Variants in PFAS observed in about 807,000 individuals in gnomAD.
PFAS encodes phosphoribosylformylglycinamidine synthase.
Under a neutral mutation model 140.6 loss-of-function variants are expected in PFAS, and 97 were observed. That is an observed-to-expected ratio of 0.69 (90% CI 0.59 to 0.82). The LOEUF is 0.82. Ranked by LOEUF, PFAS falls within the 40% of genes least tolerant of loss-of-function variation. The pLI is 0.00. For synonymous variants in PFAS, 679 were observed against 718.8 expected, an observed-to-expected ratio of 0.94 and a Z score of 0.88; for missense variants, 1,656 against 1,780.2, an observed-to-expected ratio of 0.93 and a Z score of 1.26.
At chr17:8,252,918 A>T (rs1367791516) in intron 1 of PFAS, among the ~76,000 whole-genome samples, 1 of 152,180 alleles carries the variant, frequency 6.6e-6, no homozygotes, top group African/African-American at 2.4e-5. Flanking sequence ...TGCCCCGCCC[A>T]ATCTGGCCTC....
At chr17:8,254,942 T>A in intron 3 of PFAS, 85 bp from the exon 4 acceptor site, 1 of 910,284 alleles carries the variant, frequency 1.1e-6, no homozygotes. Context: ...TGGGAGGTTG[T>A]CCAGACAGCA....
intron 15 of PFAS, 31 bp from the exon 16 acceptor site, chr17:8,264,181 C>G: frequency 6.2e-7 from 1 of 1,612,008 alleles, no homozygotes; most frequent in Non-Finnish European, 8.5e-7. Context: ...ATAGTCTCAT[C>G]CCCTCTGGGT....
At position 8,258,185 on chromosome 17, in the gene PFAS, A is replaced by G; in HGVS notation, c.1322A>G (p.Glu441Gly). Residue 441 changes from glutamate (E) to glycine (G), a missense_variant, in exon 11 of 28, where the codon GAG (glutamate) becomes GGG (glycine). Coordinates refer to ENST00000314666, the MANE Select transcript of PFAS (RefSeq NM_012393.3). ...GSMEADHISK[E>G]APEPGMEVVK... ...ATGGAAGCTGACCACATAAGCAAGG[A>G]GGCCCCAGAGCCAGGTAAGAGCCTG... The G allele has an allele frequency of 6.2e-7, 1 of 1,614,048 alleles. No individual in the cohort carries two copies. Among genetic ancestry groups the G allele is most frequent in the Non-Finnish European group, 8.5e-7 (1 of 1,180,034 alleles).
upstream of PFAS, chr17:8,248,124 T>C (rs1988941515): frequency 1.0e-6 from 1 of 998,816 alleles, no homozygotes; most frequent in Non-Finnish European, 1.5e-6. Context: ...ACGTCACCGG[T>C]GAGCGGGTTT....
Position 8,269,601 on chromosome 17 carries a change from G to A in PFAS, c.*337G>A. 4.0e-6 allele frequency: 1 copy of A among 252,632 alleles called. No individual in the cohort carries two copies. Among genetic ancestry groups the A allele is most frequent in the Non-Finnish European group, 7.6e-6 (1 of 130,842 alleles). 15.6% of individuals were successfully genotyped at this position (252,632 alleles called of 1,614,324 possible). A position where few individuals can be genotyped will look rare whatever the true frequency, so the allele number is the denominator to read the frequency against. ...TTCACAACACCCAGTGATCACCGGT[G>A]TGCAATTGCCTCCTTGGCTCTGAGG... On this transcript the variant is annotated 3_prime_UTR_variant, in exon 28 of 28. Transcript: ENST00000314666.
At chr17:8,259,788 C>T (rs1430925472) in intron 11 of PFAS, among the ~76,000 whole-genome samples, 6 of 147,360 alleles carry the variant, frequency 4.1e-5, no homozygotes, top group African/African-American at 1.5e-4. Flanking sequence ...ACCCTGTCTC[C>T]AAAAAAGAAT....
At position 8,256,311 on chromosome 17, in the gene PFAS, A is replaced by T; in HGVS notation, c.725A>T (p.Asp242Val). The T allele has an allele frequency of 6.2e-7, 1 of 1,613,954 alleles. No homozygotes were observed. The highest frequency in any genetic ancestry group is 8.5e-7 in the Non-Finnish European group (1 of 1,179,982). Reference protein sequence around the residue: ...HWFFKGQLHVDGQKLVHSLFE... With the variant: ...HWFFKGQLHVVGQKLVHSLFE... ...TTCTTCAAGGGCCAGCTCCACGTGG[A>T]TGGGCAGAAGCTGGTGCACTCACTG... The change falls in exon 7 of 28, where the codon GAT becomes GTT. Residue 242 changes from aspartate (D) to valine (V), a missense_variant. Asp to Val is a radical substitution (Grantham distance 152, BLOSUM62 -3). Transcript: ENST00000314666.
chr17:8,263,518 C>A, intron 13 of PFAS, 57 bp from the exon 14 acceptor site: 1 of 1,442,128 alleles, frequency 6.9e-7, no homozygotes, highest in Non-Finnish European at 9.8e-7. Flanking sequence ...CCAGGGACTG[C>A]CCTTTGTTGC....
intron 11 of PFAS, among the ~76,000 whole-genome samples, chr17:8,261,227 T>C (rs908594211): frequency 6.6e-6 from 1 of 151,992 alleles, no homozygotes; most frequent in African/African-American, 2.4e-5. Context: ...GTTGAGCGTG[T>C]TTTCTTTCTT....
At position 8,267,731 on chromosome 17, in the gene PFAS, C is replaced by A; in HGVS notation, c.3382+66C>A. ...CCTGAAGAGGTGCCTTTAGCCCCAT[C>A]TTCCTGGGCTGGGGATTGGCCTCTC... On this transcript the variant is annotated intron_variant, in intron 26 of 27. Transcript: ENST00000314666. This position sits in a 1 kb window ranked among gnomAD's most constrained non-coding sequence, Gnocchi z 4.9. 1 of 896,216 alleles carries A rather than the reference C, an allele frequency of 1.1e-6. No homozygotes were observed. Among genetic ancestry groups the A allele is most frequent in the Non-Finnish European group, 1.8e-6 (1 of 563,680 alleles). 55.5% of individuals were successfully genotyped at this position (896,216 alleles called of 1,614,324 possible).
chr17:8,266,944 G>C lies in PFAS; in HGVS notation c.2967+46G>C, dbSNP rs749149521. The C allele has an allele frequency of 3.8e-6, 6 of 1,599,152 alleles. No homozygotes were observed. In the Admixed American group the frequency reaches 6.7e-5, roughly 18 times the overall value. Reference sequence around the variant, plus strand: ...GCGGTGTGCAGTGGGCAGTCAGAGTGGGGTGGCCGCGGTCCATCCCTCTCC... The same window carrying C: ...GCGGTGTGCAGTGGGCAGTCAGAGTCGGGTGGCCGCGGTCCATCCCTCTCC... On this transcript the variant is annotated intron_variant, in intron 23 of 27. Transcript: ENST00000314666. The surrounding 1 kb of genome is among the most constrained non-coding windows in gnomAD (Gnocchi z 5.0).
chr17:8,268,007 T>A (rs1040316653), intron 26 of PFAS, among the ~76,000 whole-genome samples: 40 of 134,510 alleles, frequency 3.0e-4, no homozygotes, highest in Non-Finnish European at 5.6e-4. Flanking sequence ...ATATATTATT[T>A]ATATATATTA....
At position 8,266,950 on chromosome 17, in the gene PFAS, G is replaced by A; in HGVS notation, c.2967+52G>A. The A allele has an allele frequency of 6.3e-7, 1 of 1,599,656 alleles. No individual in the cohort carries two copies. The highest frequency in any genetic ancestry group is 8.5e-7 in the Non-Finnish European group (1 of 1,175,288). On this transcript the variant is annotated intron_variant, in intron 23 of 27. Transcript: ENST00000314666. This position sits in a 1 kb window ranked among gnomAD's most constrained non-coding sequence, Gnocchi z 5.0. Reference sequence around the variant, plus strand: ...TGCAGTGGGCAGTCAGAGTGGGGTGGCCGCGGTCCATCCCTCTCCCACTGT... The same window carrying A: ...TGCAGTGGGCAGTCAGAGTGGGGTGACCGCGGTCCATCCCTCTCCCACTGT...
At chr17:8,257,567 CAG>C (rs1567638248) in intron 9 of PFAS, among the ~76,000 whole-genome samples, 1 of 151,342 alleles carries the variant, frequency 6.6e-6, no homozygotes, top group African/African-American at 2.4e-5. Context: ...AAAAAAAAAA[CAG>C]AAAGCCTGTG....
chr17:8,263,362 G>A, intron 13 of PFAS, 97 bp downstream of exon 13: 1 of 1,337,988 alleles, frequency 7.5e-7, no homozygotes, highest in Non-Finnish European at 1.1e-6. Flanking sequence ...CAACCACCCA[G>A]CTCTGGGTCC....
Position 8,268,800 on chromosome 17 carries a change from T to G in PFAS, c.3650T>G (p.Leu1217Arg). 6.2e-7 allele frequency: 1 copy of G among 1,608,450 alleles called. No individual in the cohort carries two copies. The highest frequency in any genetic ancestry group is 8.5e-7 in the Non-Finnish European group (1 of 1,179,706). The change falls in exon 27 of 28, where the codon CTG becomes CGG. Residue 1217 changes from leucine to arginine, a missense_variant. By Grantham distance (102) the Leu-to-Arg change is moderately radical (BLOSUM62 -2). Coordinates refer to ENST00000314666, the MANE Select transcript of PFAS (RefSeq NM_012393.3). ...GTGCGTGTGGGGCCTGGGCCAGCCC[T>G]GATGCTGCGAGGGATGGAGGGCGCC... is the stretch of plus-strand genomic sequence containing the variant. ...ASVRVGPGPA[L>R]MLRGMEGAVL... is the part of the protein sequence containing the mutation.
In PFAS at chr17:8,269,404, C is replaced by T. The variant is rs915761773; in HGVS notation, c.*140C>T. The T allele has an allele frequency of 9.7e-6, 6 of 619,606 alleles. No homozygotes were observed. The highest frequency in any genetic ancestry group is 5.9e-5 in the Admixed American group (2 of 33,622). 38.4% of individuals were successfully genotyped at this position (619,606 alleles called of 1,614,324 possible). A position where few individuals can be genotyped will look rare whatever the true frequency, so the allele number is the denominator to read the frequency against. On this transcript the variant is annotated 3_prime_UTR_variant, in exon 28 of 28. Transcript: ENST00000314666. Reference sequence around the variant, plus strand: ...AAGGACCAAAATGCCAAAATCTCAGCGGACTCGATAATCTGCCTGCTGATG... The same window carrying T: ...AAGGACCAAAATGCCAAAATCTCAGTGGACTCGATAATCTGCCTGCTGATG...
chr17:8,266,042 A>T lies in PFAS; in HGVS notation c.2701+25A>T. Reference sequence around the variant, plus strand: ...GGTGAGTGAAGACCCCTGGGGAGATAGCGCACAGGGTGCCAGGCGTGCAGC... The same window carrying T: ...GGTGAGTGAAGACCCCTGGGGAGATTGCGCACAGGGTGCCAGGCGTGCAGC... On this transcript the variant is annotated intron_variant, in intron 21 of 27. Transcript: ENST00000314666. The surrounding 1 kb of genome is among the most constrained non-coding windows in gnomAD (Gnocchi z 5.0). 6.3e-7 allele frequency: 1 copy of T among 1,580,648 alleles called. No homozygotes were observed. The highest frequency in any genetic ancestry group is 8.6e-7 in the Non-Finnish European group (1 of 1,160,576).
intron 1 of PFAS, among the ~76,000 whole-genome samples, chr17:8,249,935 C>T (rs1423504953): frequency 6.6e-6 from 1 of 151,708 alleles, no homozygotes; most frequent in Non-Finnish European, 1.5e-5. Flanking sequence ...GAATATAGAG[C>T]GAAAAATAAA....
Sources: gnomAD v4.1 joint callset for allele counts (sites outside exome capture counted in the v4.1 genomes callset) on GRCh38, gnomAD v4.1.1 for gene constraint, Gnocchi (gnomAD v3.1) non-coding constraint, MANE v1.5 for transcripts, NCBI Gene and HGNC (gene_info 2026-07-23, HGNC 2026-07-21) for gene names.